PTPRD: variants seen among roughly 807,000 people sequenced by gnomAD.
PTPRD encodes the protein receptor-type tyrosine-protein phosphatase delta.
A neutral mutation model predicts 214.5 loss-of-function variants in PTPRD; 34 were observed. The ratio of observed to expected loss-of-function variants is 0.16; its 90% CI spans 0.12 to 0.21. The LOEUF (loss-of-function observed/expected upper bound fraction) is 0.21, where lower values mean the gene tolerates loss of function less well. Among genes scored for constraint, PTPRD ranks in the 10% least tolerant of loss-of-function variants. The pLI is 1.00. For missense variants in PTPRD, 2,545 were observed against 2,398.7 expected (o/e 1.06, Z -1.27); for synonymous variants, 1,128 against 845.7 (o/e 1.33, Z -5.79).
chr9:10,127,469 A>G (rs2098828459), intron 3 of PTPRD, among the ~76,000 whole-genome samples: 1 of 152,204 alleles, frequency 6.6e-6, no homozygotes, highest in African/African-American at 2.4e-5. Context: ...GACATATAAT[A>G]AAGAAGAGAG....
chr9:8,570,190 G>A (rs574258929), intron 14 of PTPRD, among the ~76,000 whole-genome samples: 1 of 151,606 alleles, frequency 6.6e-6, no homozygotes, highest in East Asian at 1.9e-4. Flanking sequence ...TAAATAGGGA[G>A]ATTTTTATAT....
At chr9:8,600,072 A>C (rs1439864710) in intron 14 of PTPRD, among the ~76,000 whole-genome samples, 1 of 152,142 alleles carries the variant, frequency 6.6e-6, no homozygotes, top group Non-Finnish European at 1.5e-5. Flanking sequence ...GCAGCCTGGT[A>C]GTGTAAGGAA....
At chr9:9,220,712 T>C (rs1052161083) in intron 9 of PTPRD, among the ~76,000 whole-genome samples, 1 of 152,116 alleles carries the variant, frequency 6.6e-6, no homozygotes, top group Admixed American at 6.6e-5. Flanking sequence ...TGACATATAC[T>C]GTAAAATGTA....
At chr9:10,248,759 G>C (rs1032282974) in intron 3 of PTPRD, among the ~76,000 whole-genome samples, 3 of 152,020 alleles carry the variant, frequency 2.0e-5, no homozygotes, top group Non-Finnish European at 2.9e-5. Flanking sequence ...CATGAGGTGA[G>C]AAATTGTTTG....
At chr9:9,495,514 C>CTCT (rs1290780182) in intron 8 of PTPRD, among the ~76,000 whole-genome samples, 1 of 152,018 alleles carries the variant, frequency 6.6e-6, no homozygotes, top group African/African-American at 2.4e-5. Context: ...TATAAAGACC[C>CTCT]CAGACTCAGT....
At chr9:10,454,789 T>C (rs1400443606) in intron 2 of PTPRD, among the ~76,000 whole-genome samples, 1 of 151,468 alleles carries the variant, frequency 6.6e-6, no homozygotes, top group Non-Finnish European at 1.5e-5. Flanking sequence ...TGCAGAATTT[T>C]TCTTTAATTC....
chr9:9,645,201 T>A (rs2096113489), intron 7 of PTPRD, among the ~76,000 whole-genome samples: 1 of 152,190 alleles, frequency 6.6e-6, no homozygotes, highest in Non-Finnish European at 1.5e-5. Context: ...CATTGCAAGT[T>A]CCCAGAGCGG....
At chr9:8,501,622 TAA>T (rs2097409746) in intron 23 of PTPRD, among the ~76,000 whole-genome samples, 1 of 152,094 alleles carries the variant, frequency 6.6e-6, no homozygotes, top group Non-Finnish European at 1.5e-5. Context: ...ACAACAAACA[TAA>T]GAGGGTTCAC....
At chr9:8,710,215 C>T (rs1186608532) in intron 12 of PTPRD, among the ~76,000 whole-genome samples, 1 of 152,126 alleles carries the variant, frequency 6.6e-6, no homozygotes, top group Non-Finnish European at 1.5e-5. Flanking sequence ...CAACCCTTTG[C>T]AAGAAAGCAA....
At position 10,510,487 on chromosome 9, in the gene PTPRD, G is replaced by A. The variant is rs188897638; in HGVS notation, c.-600+101911C>T. On this transcript the variant is annotated intron_variant, in intron 2 of 45. Transcript: ENST00000381196. ...TTACCTAGTGTTTTCTTTTTTAAAAGCATCATATAAATAGGGATTATGCAA... is the reference window on the plus strand; with the variant it reads ...TTACCTAGTGTTTTCTTTTTTAAAAACATCATATAAATAGGGATTATGCAA... Among the ~76,000 whole-genome samples, 20 of 152,128 alleles carry A rather than the reference G, an allele frequency of 1.3e-4. No individual in the cohort carries two copies. The East Asian group carries it at 2.5e-3, about 19-fold the overall frequency.
At chr9:10,559,882 T>G (rs543288104) in intron 2 of PTPRD, among the ~76,000 whole-genome samples, 3 of 152,146 alleles carry the variant, frequency 2.0e-5, no homozygotes, top group African/African-American at 7.2e-5. Context: ...CCAGTTAGAA[T>G]GGCAATCATT....
intron 3 of PTPRD, among the ~76,000 whole-genome samples, chr9:10,243,923 A>C (rs1474405401): frequency 6.6e-6 from 1 of 151,950 alleles, no homozygotes; most frequent in Non-Finnish European, 1.5e-5. Flanking sequence ...CTAGATTTAC[A>C]TCAAAGTTTG....
intron 10 of PTPRD, among the ~76,000 whole-genome samples, chr9:9,042,513 G>A (rs1459495210): frequency 6.6e-6 from 1 of 152,084 alleles, no homozygotes; most frequent in Non-Finnish European, 1.5e-5. Flanking sequence ...AGATGTGCCA[G>A]GCAGGGAAAA....
intron 8 of PTPRD, among the ~76,000 whole-genome samples, chr9:9,415,855 C>G (rs927249014): frequency 3.3e-5 from 5 of 152,044 alleles, no homozygotes; most frequent in African/African-American, 1.2e-4. Flanking sequence ...TTCATTGTCC[C>G]GGTTAGTCGG....
chr9:9,236,857 C>G (rs1265124383), intron 9 of PTPRD, among the ~76,000 whole-genome samples: 1 of 152,070 alleles, frequency 6.6e-6, no homozygotes, highest in Admixed American at 6.5e-5. Flanking sequence ...TGACTACCGC[C>G]AGCTCTCAAT....
intron 11 of PTPRD, among the ~76,000 whole-genome samples, chr9:8,909,656 G>A (rs1338055129): frequency 1.3e-5 from 2 of 151,912 alleles, no homozygotes; most frequent in African/African-American, 4.8e-5. Flanking sequence ...TGATGAAAAC[G>A]GAATGCTTTT....
chr9:10,440,606 A>T (rs73408111), intron 2 of PTPRD, among the ~76,000 whole-genome samples: 1,543 of 151,850 alleles, frequency 0.01, 22 homozygotes, highest in African/African-American at 0.029. Flanking sequence ...AAAATCAGGA[A>T]CCACAGCAAA....
chr9:10,577,753 T>C (rs2069969121), intron 2 of PTPRD, among the ~76,000 whole-genome samples: 2 of 152,160 alleles, frequency 1.3e-5, no homozygotes, highest in African/African-American at 2.4e-5. Context: ...ATTTTATTGA[T>C]TAAAACAAGC....
At chr9:10,048,870 CAG>C (rs1310008965) in intron 3 of PTPRD, among the ~76,000 whole-genome samples, 4 of 151,754 alleles carry the variant, frequency 2.6e-5, no homozygotes, top group Non-Finnish European at 4.4e-5. Flanking sequence ...TGAATTTTAA[CAG>C]AGTCAAATTT....
Sources: allele counts gnomAD v4.1 joint callset (sites outside exome capture counted in the v4.1 genomes callset), GRCh38; gene constraint gnomAD v4.1.1; transcripts MANE v1.5; gene names NCBI Gene and HGNC (gene_info 2026-07-23, HGNC 2026-07-21).